MAGI1: variants seen among roughly 807,000 people sequenced by gnomAD.
MAGI1 encodes the protein membrane associated guanylate kinase, WW and PDZ domain containing 1, also known as membrane-associated guanylate kinase, WW and PDZ domain-containing protein 1.
A neutral mutation model predicts 139.9 loss-of-function variants in MAGI1; 58 were observed. The observed-to-expected ratio is 0.41, with a 90% CI of 0.34 to 0.52. The LOEUF is 0.52. Ranked by LOEUF, MAGI1 falls within the 20% of genes least tolerant of loss-of-function variation. The pLI, the probability that MAGI1 is intolerant of heterozygous loss-of-function variation, is 0.12. For synonymous variants in MAGI1, 812 were observed against 737.9 expected (o/e 1.10, Z -1.63); for missense variants, 1,874 against 1,901.6 (o/e 0.99, Z 0.27).
At chr3:65,895,164 G>C in intron 1 of MAGI1, among the ~76,000 whole-genome samples, 1 of 152,188 alleles carries the variant, frequency 6.6e-6, no homozygotes, top group Non-Finnish European at 1.5e-5. Flanking sequence ...TTTGCTACTG[G>C]TTAACTAAAA....
chr3:65,677,177 T>C (rs1397582020), intron 1 of MAGI1, among the ~76,000 whole-genome samples: 1 of 152,220 alleles, frequency 6.6e-6, no homozygotes, highest in East Asian at 1.9e-4. Context: ...CTAGGCTAAA[T>C]AAGGTGAGGA....
intron 1 of MAGI1, among the ~76,000 whole-genome samples, chr3:65,910,855 C>CTTTTGTTTTTTTT (rs2061633901): frequency 1.7e-5 from 1 of 59,484 alleles, no homozygotes; most frequent in African/African-American, 7.9e-5. Context: ...ACATGGTGGA[C>CTTTTGTTTTTTTT]TTTTTTTTTT....
intron 1 of MAGI1, among the ~76,000 whole-genome samples, chr3:65,842,988 G>A (rs2058859224): frequency 6.6e-6 from 1 of 152,062 alleles, no homozygotes; most frequent in African/African-American, 2.4e-5. Context: ...AAAAATCTCT[G>A]TCCCTTCTTA....
chr3:65,417,858 T>C (rs1409838332), intron 12 of MAGI1, among the ~76,000 whole-genome samples: 1 of 152,168 alleles, frequency 6.6e-6, no homozygotes, highest in African/African-American at 2.4e-5. Flanking sequence ...TGATGAGTCA[T>C]GTCAAATACT....
At chr3:65,504,873 A>G (rs560879129) in intron 2 of MAGI1, among the ~76,000 whole-genome samples, 6 of 152,236 alleles carry the variant, frequency 3.9e-5, no homozygotes, top group Non-Finnish European at 8.8e-5. Context: ...GAACTTTGGC[A>G]CATACAAACT....
At chr3:65,368,401 T>C (rs1400652769) in intron 18 of MAGI1, among the ~76,000 whole-genome samples, 1 of 152,208 alleles carries the variant, frequency 6.6e-6, no homozygotes, top group African/African-American at 2.4e-5. Flanking sequence ...ATAGCAGTCA[T>C]GTATCAAGAG....
chr3:65,684,422 T>C (rs912289631), intron 1 of MAGI1, among the ~76,000 whole-genome samples: 6 of 152,070 alleles, frequency 3.9e-5, no homozygotes, highest in Non-Finnish European at 8.8e-5. Context: ...TACTCAGCAA[T>C]AAAAATTATA....
intron 3 of MAGI1, among the ~76,000 whole-genome samples, chr3:65,483,187 C>A (rs1329316879): frequency 6.6e-6 from 1 of 152,200 alleles, no homozygotes; most frequent in Admixed American, 6.5e-5. Context: ...GGCTTTTGGA[C>A]AAAAACTCTG....
chr3:66,034,356 T>C (rs1235231571), intron 1 of MAGI1, among the ~76,000 whole-genome samples: 3 of 152,218 alleles, frequency 2.0e-5, no homozygotes, highest in Non-Finnish European at 2.9e-5. Context: ...ACTGCCACTG[T>C]GGTATGACCC....
At chr3:65,641,846 C>T (rs1172134013) in intron 1 of MAGI1, among the ~76,000 whole-genome samples, 4 of 152,314 alleles carry the variant, frequency 2.6e-5, no homozygotes, top group Non-Finnish European at 5.9e-5. Context: ...GGCTCAGCCA[C>T]GCTTTTCTCT....
chr3:65,975,798 C>G (rs1367222602), intron 1 of MAGI1, among the ~76,000 whole-genome samples: 1 of 152,186 alleles, frequency 6.6e-6, no homozygotes, highest in Non-Finnish European at 1.5e-5. Context: ...TTGACTCTCT[C>G]AAGCTCTTCT....
At chr3:65,946,131 G>T (rs6762175) in intron 1 of MAGI1, among the ~76,000 whole-genome samples, 86,247 of 152,102 alleles carry the variant, frequency 0.57, 25,346 homozygotes, top group East Asian at 0.8. Context: ...GGTGGCCACC[G>T]AGGGTATCTG....
chr3:65,548,869 G>C (rs1159389430), intron 2 of MAGI1, among the ~76,000 whole-genome samples: 1 of 152,158 alleles, frequency 6.6e-6, no homozygotes, highest in Non-Finnish European at 1.5e-5. Context: ...GGAGGGGTGG[G>C]GTGAGCCAAC....
Position 65,437,262 on chromosome 3 carries a change from A to C in MAGI1, c.1271-15T>G. On this transcript the variant is annotated splice_polypyrimidine_tract_variant and intron_variant, in intron 9 of 22. Coordinates refer to ENST00000402939, the MANE Select transcript of MAGI1 (RefSeq NM_001033057.2). ...TTCTGTCCATTCTATGAAAAAGAAA[A>C]GAAAGTTTCCTATTTTTCCTTCAAA... 1 of 1,560,256 alleles carries C rather than the reference A, an allele frequency of 6.4e-7. No individual in the cohort carries two copies. Among genetic ancestry groups the C allele is most frequent in the Non-Finnish European group, 8.8e-7 (1 of 1,134,382 alleles).
intron 2 of MAGI1, among the ~76,000 whole-genome samples, chr3:65,617,893 G>A (rs1298998005): frequency 1.3e-5 from 2 of 152,106 alleles, no homozygotes; most frequent in South Asian, 2.1e-4. Flanking sequence ...AGTTAGATAC[G>A]CTGCCTGACT....
At chr3:65,637,087 A>G (rs2084670132) in intron 1 of MAGI1, among the ~76,000 whole-genome samples, 1 of 152,200 alleles carries the variant, frequency 6.6e-6, no homozygotes, top group Non-Finnish European at 1.5e-5. Flanking sequence ...GCAGCTCCAA[A>G]CTAAATGCAT....
intron 1 of MAGI1, among the ~76,000 whole-genome samples, chr3:65,711,370 G>A (rs985832078): frequency 1.2e-4 from 19 of 152,028 alleles, no homozygotes; most frequent in Admixed American, 4.6e-4. Context: ...CCACATAAAC[G>A]TTTTATTCAA....
chr3:65,493,846 T>A (rs961599073), intron 2 of MAGI1, among the ~76,000 whole-genome samples: 1 of 152,062 alleles, frequency 6.6e-6, no homozygotes, highest in Non-Finnish European at 1.5e-5. Context: ...GGACCCCAAA[T>A]GGGAGAGAGA....
intron 13 of MAGI1, among the ~76,000 whole-genome samples, chr3:65,399,426 C>G (rs1944673297): frequency 6.6e-6 from 1 of 152,198 alleles, no homozygotes; most frequent in Non-Finnish European, 1.5e-5. Context: ...TTACATCCAA[C>G]AGCAGCCCTT....
Sources: allele counts gnomAD v4.1 joint callset (sites outside exome capture counted in the v4.1 genomes callset), GRCh38; gene constraint gnomAD v4.1.1; transcripts MANE v1.5; gene names NCBI Gene and HGNC (gene_info 2026-07-23, HGNC 2026-07-21).